CACNA1B: variants seen among roughly 807,000 people sequenced by gnomAD.
CACNA1B encodes voltage-dependent N-type calcium channel subunit alpha-1B.
In CACNA1B, 70 loss-of-function variants were observed where a neutral mutation model predicts 247.2. The observed-to-expected ratio is 0.28, with a 90% CI of 0.23 to 0.35. The LOEUF is 0.35. Among genes scored for constraint, CACNA1B ranks in the 10% least tolerant of loss-of-function variants. The probability of loss-of-function intolerance (pLI) is 1.00; values close to 1 mark genes in which losing one functional copy is unlikely to be tolerated. For missense variants in CACNA1B, 2,367 were observed against 3,197.4 expected (o/e 0.74, Z 6.26); for synonymous variants, 1,231 against 1,294.4 (o/e 0.95, Z 1.05).
chr9:138,056,650 T>C (rs1402007229), intron 26 of CACNA1B, among the ~76,000 whole-genome samples: 1 of 152,246 alleles, frequency 6.6e-6, no homozygotes, highest in Non-Finnish European at 1.5e-5. Flanking sequence ...AATGCCAGAC[T>C]GTTTCCAAAG....
At position 138,069,480 on chromosome 9, in the gene CACNA1B, CTGATA is replaced by C. The variant is rs552840261; in HGVS notation, c.4669-276_4669-272del. Among the ~76,000 whole-genome samples, 215 of 152,276 alleles carry C rather than the reference CTGATA, an allele frequency of 1.4e-3. 2 individuals are homozygous for C. Among genetic ancestry groups the C allele is most frequent in the African/African-American group, 5.1e-3 (211 of 41,558 alleles). ...ACAGACTTCAAAAATATGTTTTGAT[CTGATA>C]TATTTTAAGAAAAATAATGCAGTTT... On this transcript the variant is annotated intron_variant, in intron 31 of 46. Coordinates refer to ENST00000371372, the MANE Select transcript of CACNA1B (RefSeq NM_000718.4).
chr9:138,024,507 G>A (rs1485172759), intron 19 of CACNA1B, among the ~76,000 whole-genome samples: 1 of 152,230 alleles, frequency 6.6e-6, no homozygotes, highest in Non-Finnish European at 1.5e-5. Context: ...CTAAAGACAC[G>A]GAGGTGTATA....
chr9:137,962,961 G>A (rs549568789), intron 10 of CACNA1B, among the ~76,000 whole-genome samples: 12 of 152,126 alleles, frequency 7.9e-5, no homozygotes, highest in Admixed American at 2.0e-4. Flanking sequence ...TTGATGATCT[G>A]CCTAATATTG....
chr9:138,057,287 A>G lies in CACNA1B; in HGVS notation c.3969-445A>G, dbSNP rs1959545333. ...TACATATTCTAAATACAACTCCCTTATCAGACAGAGGATTAGGAAATAAGT... is the reference window on the plus strand; with the variant it reads ...TACATATTCTAAATACAACTCCCTTGTCAGACAGAGGATTAGGAAATAAGT... On this transcript the variant is annotated intron_variant, in intron 26 of 46. Coordinates refer to ENST00000371372, the MANE Select transcript of CACNA1B (RefSeq NM_000718.4). This position sits in a 1 kb window ranked among gnomAD's most constrained non-coding sequence, Gnocchi z 4.0. Among the ~76,000 whole-genome samples the G allele has an allele frequency of 2.0e-5, 3 of 152,086 alleles. No homozygotes were observed. The South Asian group carries it at 6.2e-4, about 32-fold the overall frequency.
rs1474221327 is a variant in CACNA1B at position 138,059,393 on chromosome 9, G to A, written c.4584+204G>A. Among the ~76,000 whole-genome samples the A allele has an allele frequency of 1.3e-5, 2 of 152,114 alleles. No homozygotes were observed. Among genetic ancestry groups the A allele is most frequent in the African/African-American group, 4.8e-5 (2 of 41,424 alleles). ...CTGCCCCCAGCCTAGGTCCTGGGAG[G>A]GAGGCAGGGCTGGGTTCTTCCTCTT... On this transcript the variant is annotated intron_variant, in intron 30 of 46. Transcript: ENST00000371372. This position sits in a 1 kb window ranked among gnomAD's most constrained non-coding sequence, Gnocchi z 4.2.
chr9:138,067,903 G>A (rs978601679), intron 31 of CACNA1B, among the ~76,000 whole-genome samples: 2 of 152,164 alleles, frequency 1.3e-5, no homozygotes, highest in Non-Finnish European at 1.5e-5. Context: ...GCGTTCTGCC[G>A]ACCAAACAGA....
In CACNA1B at chr9:138,020,965, T is replaced by A. The variant is rs950660359; in HGVS notation, c.2268-2046T>A. Among the ~76,000 whole-genome samples, 1 of 152,176 alleles carries A rather than the reference T, an allele frequency of 6.6e-6. No homozygotes were observed. Among genetic ancestry groups the A allele is most frequent in the African/African-American group, 2.4e-5 (1 of 41,440 alleles). ...CTGGTCCCCAAGATTCACGGCTTCA[T>A]CAGAGCGGGCCACCCTGCTGACCAA... is the stretch of plus-strand genomic sequence containing the variant. On this transcript the variant is annotated intron_variant, in intron 18 of 46. Transcript: ENST00000371372. This position sits in a 1 kb window ranked among gnomAD's most constrained non-coding sequence, Gnocchi z 4.1.
At chr9:138,030,925 G>A (rs1017940681) in intron 20 of CACNA1B, among the ~76,000 whole-genome samples, 6 of 152,012 alleles carry the variant, frequency 3.9e-5, no homozygotes, top group African/African-American at 1.4e-4. Flanking sequence ...GTAATTTGCT[G>A]TCTTCTCTCT....
intron 20 of CACNA1B, among the ~76,000 whole-genome samples, chr9:138,041,727 TC>T (rs1959125528): frequency 6.6e-6 from 1 of 152,124 alleles, no homozygotes; most frequent in Non-Finnish European, 1.5e-5. Flanking sequence ...CCAGACTGAT[TC>T]TTTTTTCCTT....
At position 138,124,404 on chromosome 9, in the gene CACNA1B, CTTTATA is replaced by C. The variant is rs1002153234; in HGVS notation, c.*2410_*2415del. Reference sequence around the variant, plus strand: ...TATAAATCAAAGGTTTGTTGCAAAACTTTATATTTAAGAAGTGTTAAAAAAAAAAAA... The same window carrying C: ...TATAAATCAAAGGTTTGTTGCAAAACTTTAAGAAGTGTTAAAAAAAAAAAA... On this transcript the variant is annotated 3_prime_UTR_variant, in exon 47 of 47. Transcript: ENST00000371372. 4.7e-5 allele frequency: 7 copies of C among 150,070 alleles called. No individual in the cohort carries two copies. The highest frequency in any genetic ancestry group is 9.9e-5 in the African/African-American group (4 of 40,526). The allele number at this position is 150,070 out of a possible 1,614,324, so 9.3% of individuals were successfully genotyped here.
intron 6 of CACNA1B, among the ~76,000 whole-genome samples, chr9:137,937,546 T>G (rs894991977): frequency 1.3e-5 from 2 of 152,168 alleles, no homozygotes; most frequent in African/African-American, 4.8e-5. Flanking sequence ...TTCCCTAGCC[T>G]TGCTAGAGAC....
At chr9:138,104,089 G>T (rs1699022442) in intron 38 of CACNA1B, among the ~76,000 whole-genome samples, 1 of 152,232 alleles carries the variant, frequency 6.6e-6, no homozygotes, top group South Asian at 2.1e-4. Context: ...TGACTCCAAG[G>T]TTCTGGGCAT....
intron 6 of CACNA1B, among the ~76,000 whole-genome samples, chr9:137,930,575 T>G (rs903701456): frequency 6.6e-6 from 1 of 152,250 alleles, no homozygotes; most frequent in South Asian, 2.1e-4. Context: ...TGCTGTTGTG[T>G]GCTGCATGTA....
chr9:138,005,113 TG>T (rs995748278), intron 15 of CACNA1B, among the ~76,000 whole-genome samples: 28 of 152,222 alleles, frequency 1.8e-4, no homozygotes, highest in Non-Finnish European at 3.4e-4. Context: ...ATCCCACTGC[TG>T]GGTGTTTATC....
rs901612851 is a variant in CACNA1B, at chr9:137,914,071, C to G, written c.623-583C>G. Among the ~76,000 whole-genome samples, 6 of 152,130 alleles carry G rather than the reference C, an allele frequency of 3.9e-5. No homozygotes were observed. Among genetic ancestry groups the G allele is most frequent in the Non-Finnish European group, 8.8e-5 (6 of 68,012 alleles). ...CCAGGGGCAGGTCTTTTTTGCCTCA[C>G]TTTCTCCCAAGGAGTTGGGTCTGTT... On this transcript the variant is annotated intron_variant, in intron 4 of 46. Coordinates refer to ENST00000371372, the MANE Select transcript of CACNA1B (RefSeq NM_000718.4). This position sits in a 1 kb window ranked among gnomAD's most constrained non-coding sequence, Gnocchi z 4.3.
Position 137,955,794 on chromosome 9 carries a change from G to T in CACNA1B, c.1167G>T (p.Leu389=). 1 of 1,609,426 alleles carries T rather than the reference G, an allele frequency of 6.2e-7. No individual in the cohort carries two copies. Among genetic ancestry groups the T allele is most frequent in the East Asian group, 2.2e-5 (1 of 44,666 alleles). Residue 389 remains leucine (L), a synonymous_variant, in exon 8 of 47, where the codon CTG becomes CTT. Transcript: ENST00000371372. This position sits in a 1 kb window ranked among gnomAD's most constrained non-coding sequence, Gnocchi z 6.9. ...TCGAGCGAGAGCTCAACGGGTACCT[G>T]GAGTGGATCTTCAAGGCGGGTGAGG... is the stretch of plus-strand genomic sequence containing the variant. ...QQIERELNGY[L]EWIFKAEEVM... is the part of the protein sequence containing the mutation.
At chr9:138,035,779 T>A (rs562481996) in intron 20 of CACNA1B, among the ~76,000 whole-genome samples, 95 of 152,354 alleles carry the variant, frequency 6.2e-4, no homozygotes, top group African/African-American at 2.1e-3. Context: ...TGTAATATTC[T>A]TTCTCCAATT....
intron 18 of CACNA1B, among the ~76,000 whole-genome samples, chr9:138,016,011 GAC>G (rs1051004389): frequency 6.6e-6 from 1 of 151,822 alleles, no homozygotes; most frequent in Middle Eastern, 3.4e-3. Context: ...AGTACACACA[GAC>G]ACACAGTCAC....
In CACNA1B at chr9:137,986,320, G is replaced by C; in HGVS notation, c.1770-93G>C. 1 of 1,422,984 alleles carries C rather than the reference G, an allele frequency of 7.0e-7. No individual in the cohort carries two copies. Among genetic ancestry groups the C allele is most frequent in the South Asian group, 1.3e-5 (1 of 78,522 alleles). The allele number at this position is 1,422,984 out of a possible 1,614,324, so 88.1% of individuals were successfully genotyped here. The stretch of plus-strand genomic sequence containing the variant: ...CTAGGTGTGCAGCCCTCAGGGTTTA[G>C]AAAGTCAGTGGAGCCTTAAGTGTGG... On this transcript the variant is annotated intron_variant, in intron 13 of 46. Coordinates refer to ENST00000371372, the MANE Select transcript of CACNA1B (RefSeq NM_000718.4). The surrounding 1 kb of genome is among the most constrained non-coding windows in gnomAD (Gnocchi z 6.0).
Sources: allele counts gnomAD v4.1 joint callset (sites outside exome capture counted in the v4.1 genomes callset), GRCh38; gene constraint gnomAD v4.1.1; non-coding constraint Gnocchi (gnomAD v3.1); transcripts MANE v1.5; gene names NCBI Gene and HGNC (gene_info 2026-07-23, HGNC 2026-07-21).